Variants in NT5M observed in about 807,000 individuals in gnomAD.
NT5M encodes the protein 5'(3')-deoxyribonucleotidase, mitochondrial.
A neutral mutation model predicts 22.2 loss-of-function variants in NT5M; 22 were observed. The observed-to-expected ratio is 0.99, with a 90% confidence interval of 0.71 to 1.41. NT5M has a LOEUF of 1.41. Ranked by LOEUF, NT5M falls within the 40% of genes most tolerant of loss-of-function variation. The pLI, the probability that NT5M is intolerant of heterozygous loss-of-function variation, is 0.00. For missense variants in NT5M, 322 were observed against 314.8 expected, an observed-to-expected ratio of 1.02 and a Z score of -0.17; for synonymous variants, 167 against 133.0, an observed-to-expected ratio of 1.26 and a Z score of -1.76.
chr17:17,344,677 C>T (rs2142387608), intron 3 of NT5M, 117 bp from the exon 4 acceptor site: 3 of 1,273,910 alleles, frequency 2.4e-6, no homozygotes, highest in South Asian at 1.4e-5. Flanking sequence ...GTCAGGCCTC[C>T]ATCCCTCCCT....
chr17:17,307,721 C>T (rs1046083507), intron 2 of NT5M, among the ~76,000 whole-genome samples: 7 of 151,842 alleles, frequency 4.6e-5, no homozygotes, highest in African/African-American at 1.5e-4. Flanking sequence ...CTGGGCGTGG[C>T]GGCATGCACA....
intron 2 of NT5M, among the ~76,000 whole-genome samples, chr17:17,309,675 CT>C (rs34209605): frequency 0.19 from 23,193 of 120,724 alleles, 1,931 homozygotes; most frequent in African/African-American, 0.31. Context: ...GCTCAAGCAT[CT>C]TTTTTTTTTT....
Position 17,347,495 on chromosome 17 carries a change from G to C in NT5M, c.*548G>C. On this transcript the variant is annotated 3_prime_UTR_variant, in exon 5 of 5. Transcript: ENST00000389022. ...CAGCAAACACTCACTAGGTGACAGC[G>C]GCCACCAGGCTCTGTGCTGGGGGAC... 1 of 156,638 alleles carries C rather than the reference G, an allele frequency of 6.4e-6. No individual in the cohort carries two copies. The highest frequency in any genetic ancestry group is 1.4e-5 in the Non-Finnish European group (1 of 70,942). The allele number at this position is 156,638 out of a possible 1,614,324, so 9.7% of individuals were successfully genotyped here. A position where few individuals can be genotyped will look rare whatever the true frequency, so the allele number is the denominator to read the frequency against.
intron 3 of NT5M, among the ~76,000 whole-genome samples, chr17:17,326,112 C>T (rs2049261331): frequency 6.6e-6 from 1 of 152,190 alleles, no homozygotes. Context: ...TATTAAACAC[C>T]GGCGAGTACA....
At chr17:17,334,137 T>C (rs2049447891) in intron 3 of NT5M, among the ~76,000 whole-genome samples, 1 of 152,002 alleles carries the variant, frequency 6.6e-6, no homozygotes. Context: ...CTGGTATGTT[T>C]TTGTATTTTA....
At chr17:17,316,277 T>C (rs1454651270) in intron 2 of NT5M, among the ~76,000 whole-genome samples, 1 of 144,978 alleles carries the variant, frequency 6.9e-6, no homozygotes, top group South Asian at 2.2e-4. Context: ...AGGCTGGTCT[T>C]AACCTCTTAA....
chr17:17,309,363 A>G (rs753264158), intron 2 of NT5M, among the ~76,000 whole-genome samples: 4 of 152,122 alleles, frequency 2.6e-5, no homozygotes, highest in Non-Finnish European at 5.9e-5. Context: ...AGGCTCAAGC[A>G]GTTCTCGTGC....
At chr17:17,310,020 T>C (rs1011665372) in intron 2 of NT5M, among the ~76,000 whole-genome samples, 43 of 152,108 alleles carry the variant, frequency 2.8e-4, no homozygotes, top group African/African-American at 9.6e-4. Context: ...GAGACGGGGC[T>C]TCACCATGTT....
chr17:17,313,476 A>T (rs547830433), intron 2 of NT5M, among the ~76,000 whole-genome samples: 1 of 152,300 alleles, frequency 6.6e-6, no homozygotes, highest in Admixed American at 6.5e-5. Flanking sequence ...AGACAAAGCG[A>T]AGGGACTCGT....
At chr17:17,309,671 G>A (rs1298622990) in intron 2 of NT5M, among the ~76,000 whole-genome samples, 1 of 117,076 alleles carries the variant, frequency 8.5e-6, no homozygotes, top group Non-Finnish European at 1.7e-5. Context: ...TGATGCTCAA[G>A]CATCTTTTTT....
intron 2 of NT5M, among the ~76,000 whole-genome samples, chr17:17,307,760 G>A (rs2048837008): frequency 3.3e-5 from 5 of 152,286 alleles, no homozygotes; most frequent in Admixed American, 3.3e-4. Flanking sequence ...GGAGGCTGAG[G>A]CAGGATAATT....
Position 17,303,791 on chromosome 17 carries a change from T to C in NT5M, c.241T>C (p.Tyr81His), listed in dbSNP as rs750790724. ...GCGCGGCTTCTGGGTGTCGGAGCAGTACGGCCGCCTGCGGCCAGGGCTGAG... is the reference window on the plus strand; with the variant it reads ...GCGCGGCTTCTGGGTGTCGGAGCAGCACGGCCGCCTGCGGCCAGGGCTGAG... ...DRRGFWVSEQ[Y>H]GRLRPGLSEK... Residue 81 changes from tyrosine (Y) to histidine (H), a missense_variant, in exon 1 of 5, where the codon TAC (tyrosine) becomes CAC (histidine). Transcript: ENST00000389022. The C allele has an allele frequency of 1.5e-5, 23 of 1,558,284 alleles. No individual in the cohort carries two copies. In the African/African-American group the frequency reaches 2.7e-4, roughly 18 times the overall value.
chr17:17,303,936 G>C, intron 1 of NT5M, 119 bp downstream of exon 1: 2 of 1,315,482 alleles, frequency 1.5e-6, no homozygotes, highest in South Asian at 2.0e-5. Context: ...CCCTCTGATA[G>C]AATAGGGTCT....
intron 3 of NT5M, among the ~76,000 whole-genome samples, chr17:17,338,717 G>T (rs1360257498): frequency 1.7e-4 from 12 of 69,148 alleles, no homozygotes; most frequent in East Asian, 8.4e-4. Flanking sequence ...TGTGAAGAAT[G>T]TCATTGGTAT....
chr17:17,321,217 G>A (rs111253589), intron 2 of NT5M, among the ~76,000 whole-genome samples: 1,594 of 152,090 alleles, frequency 0.01, 28 homozygotes, highest in African/African-American at 0.036. Context: ...ATAGCAAGCG[G>A]GCATTCGGGA....
intron 3 of NT5M, among the ~76,000 whole-genome samples, chr17:17,328,574 T>C (rs570081185): frequency 6.6e-6 from 1 of 152,124 alleles, no homozygotes; most frequent in Non-Finnish European, 1.5e-5. Flanking sequence ...TCGGGGCACA[T>C]CTGCACAGGA....
Position 17,347,051 on chromosome 17 carries a change from T to A in NT5M, c.*104T>A. 7.2e-7 allele frequency: 1 copy of A among 1,395,178 alleles called. No homozygotes were observed. The highest frequency in any genetic ancestry group is 9.6e-7 in the Non-Finnish European group (1 of 1,036,902). The allele number at this position is 1,395,178 out of a possible 1,614,324, so 86.4% of individuals were successfully genotyped here. ...GGTCTGGGAGTCCCTCCTAGACTCC[T>A]GGGCCCCATGACCTCCTGCTGCATG... is the stretch of plus-strand genomic sequence containing the variant. On this transcript the variant is annotated 3_prime_UTR_variant, in exon 5 of 5. Transcript: ENST00000389022.
Position 17,344,826 on chromosome 17 carries a change from C to G in NT5M, c.462C>G (p.Asp154Glu). 1 of 1,614,218 alleles carries G rather than the reference C, an allele frequency of 6.2e-7. No individual in the cohort carries two copies. Among genetic ancestry groups the G allele is most frequent in the Non-Finnish European group, 8.5e-7 (1 of 1,180,006 alleles). ...GGGTGGAGAAGTACTTTGGCCCTGA[C>G]TTTCTGGAGCAGATTGTGCTGACCA... The part of the protein sequence containing the change: ...YAWVEKYFGP[D>E]FLEQIVLTRD... Residue 154 changes from aspartate to glutamate, a missense_variant, in exon 4 of 5, where the codon GAC (aspartate) becomes GAG (glutamate). By Grantham distance (45) the Asp-to-Glu change is conservative (BLOSUM62 2). Coordinates refer to ENST00000389022, the MANE Select transcript of NT5M (RefSeq NM_020201.4).
chr17:17,319,106 G>A (rs955072115), intron 2 of NT5M, among the ~76,000 whole-genome samples: 6 of 151,578 alleles, frequency 4.0e-5, no homozygotes, highest in South Asian at 2.1e-4. Flanking sequence ...AGCTGCTTGC[G>A]GGGAGGCTGA....
Sources: allele counts gnomAD v4.1 joint callset (sites outside exome capture counted in the v4.1 genomes callset), GRCh38; gene constraint gnomAD v4.1.1; transcripts MANE v1.5; gene names NCBI Gene and HGNC (gene_info 2026-07-23, HGNC 2026-07-21).